NT5C2: variants seen among roughly 807,000 people sequenced by gnomAD.
NT5C2 encodes the protein cytosolic purine 5'-nucleotidase.
Under a neutral mutation model 76.1 loss-of-function variants are expected in NT5C2, and 58 were observed. That is an observed-to-expected ratio of 0.76 (90% confidence interval 0.62 to 0.95). NT5C2 has a LOEUF of 0.95. NT5C2 is among the 40% of genes least tolerant of loss of function. The pLI is 0.00. For missense variants in NT5C2, 478 were observed against 690.3 expected, an observed-to-expected ratio of 0.69 and a Z score of 3.45; for synonymous variants, 229 against 237.4, an observed-to-expected ratio of 0.96 and a Z score of 0.32.
Position 103,158,356 on chromosome 10 carries a change from A to T in NT5C2, c.101+16502T>A, listed in dbSNP as rs181839474. On this transcript the variant is annotated intron_variant, in intron 3 of 18. Transcript: ENST00000404739. ...AGAACAAAATCAACCCAAATCAAAC[A>T]GAAGGACAGAAATAATATATTACAG... 2.1e-3 allele frequency among the ~76,000 whole-genome samples: 322 copies of T among 152,168 alleles called. 1 individual carries two copies. Among genetic ancestry groups the T allele is most frequent in the Non-Finnish European group, 3.7e-3 (249 of 68,000 alleles).
intron 4 of NT5C2, among the ~76,000 whole-genome samples, chr10:103,130,577 A>T (rs758076175): frequency 1.3e-4 from 7 of 55,848 alleles, no homozygotes; most frequent in Non-Finnish European, 2.5e-4. Context: ...AAAAAAAAAT[A>T]AAAATTAAAA....
At chr10:103,167,635 T>C (rs2086740274) in intron 3 of NT5C2, among the ~76,000 whole-genome samples, 1 of 152,096 alleles carries the variant, frequency 6.6e-6, no homozygotes, top group Non-Finnish European at 1.5e-5. Context: ...TTCCCCTTTT[T>C]TTGTTTTTGT....
At chr10:103,184,733 G>A (rs957752934) in intron 1 of NT5C2, among the ~76,000 whole-genome samples, 3 of 152,066 alleles carry the variant, frequency 2.0e-5, no homozygotes, top group Non-Finnish European at 4.4e-5. Flanking sequence ...CTTATTCTTG[G>A]TTCACAAATA....
At chr10:103,192,471 G>A (rs951963317) in intron 1 of NT5C2, among the ~76,000 whole-genome samples, 1 of 152,210 alleles carries the variant, frequency 6.6e-6, no homozygotes, top group African/African-American at 2.4e-5. Context: ...TAAACTAAGG[G>A]TTCAGGCCTC....
At chr10:103,153,751 G>A (rs1445622478) in intron 3 of NT5C2, 1 of 983,850 alleles carries the variant, frequency 1.0e-6, no homozygotes, top group Non-Finnish European at 1.2e-6. Context: ...GTTTACTCTG[G>A]GAGCAAAAAA....
intron 6 of NT5C2, 42 bp from the exon 7 acceptor site, chr10:103,101,368 AT>A (rs1564962036): frequency 9.2e-7 from 1 of 1,085,816 alleles, no homozygotes; most frequent in Non-Finnish European, 1.4e-6. Context: ...TTAAAATAAC[AT>A]TATAATAATT....
chr10:103,101,541 G>A (rs1423810141), intron 6 of NT5C2, among the ~76,000 whole-genome samples: 4 of 140,792 alleles, frequency 2.8e-5, no homozygotes, highest in Non-Finnish European at 6.1e-5. Flanking sequence ...AGACAGTCTT[G>A]CTATTTTAAG....
chr10:103,143,121 T>G (rs1302811546), intron 3 of NT5C2, among the ~76,000 whole-genome samples: 4 of 152,230 alleles, frequency 2.6e-5, no homozygotes, highest in Admixed American at 1.3e-4. Context: ...ACTGCATGGC[T>G]TCTCCTCTTA....
At chr10:103,183,045 T>TC (rs2091361827) in intron 1 of NT5C2, among the ~76,000 whole-genome samples, 1 of 151,844 alleles carries the variant, frequency 6.6e-6, no homozygotes, top group South Asian at 2.1e-4. Flanking sequence ...TACAAATACA[T>TC]CCCCTTAAAA....
chr10:103,098,903 C>T (rs1257385354), intron 10 of NT5C2, 28 bp downstream of exon 10: 8 of 1,464,886 alleles, frequency 5.5e-6, no homozygotes, highest in Non-Finnish European at 7.6e-6. Context: ...AGCTATTATG[C>T]AGATCTATTT....
intron 3 of NT5C2, among the ~76,000 whole-genome samples, chr10:103,171,740 C>G (rs988894558): frequency 6.6e-6 from 1 of 152,118 alleles, no homozygotes; most frequent in Non-Finnish European, 1.5e-5. Context: ...TTAATTGAAT[C>G]TATAAAAAGA....
At chr10:103,183,636 A>C (rs1294060190) in intron 1 of NT5C2, among the ~76,000 whole-genome samples, 9 of 150,064 alleles carry the variant, frequency 6.0e-5, no homozygotes, top group Non-Finnish European at 1.0e-4. Context: ...ATATATATAC[A>C]TATACATACA....
At chr10:103,153,549 T>C (rs2082773233) in intron 3 of NT5C2, 2 of 985,274 alleles carry the variant, frequency 2.0e-6, no homozygotes, top group South Asian at 4.7e-5. Context: ...AAATAACTAA[T>C]GGCCTGAACT....
intron 3 of NT5C2, among the ~76,000 whole-genome samples, chr10:103,147,253 T>TA (rs1344597331): frequency 3.3e-5 from 5 of 152,230 alleles, no homozygotes; most frequent in Non-Finnish European, 7.3e-5. Flanking sequence ...TATTGGATCT[T>TA]AAAGTTCAAA....
chr10:103,101,024 ATAAT>A lies in NT5C2; in HGVS notation c.539+17_539+20del, dbSNP rs747662645. 7.6e-7 allele frequency: 1 copy of A among 1,315,304 alleles called. No individual in the cohort carries two copies. Among genetic ancestry groups the A allele is most frequent in the South Asian group, 1.2e-5 (1 of 83,124 alleles). 81.5% of individuals were successfully genotyped at this position (1,315,304 alleles called of 1,614,324 possible). On this transcript the variant is annotated intron_variant, in intron 8 of 18. Transcript: ENST00000404739. Reference sequence around the variant, plus strand: ...AATTTTAAAAATCAATTGGAAAAAAATAATTATAGTATATACATACCTGGTATAT... The same window carrying A: ...AATTTTAAAAATCAATTGGAAAAAAATATAGTATATACATACCTGGTATAT...
rs1341166481 is a variant in NT5C2 at position 103,131,456 on chromosome 10, G to A, written c.175+7950C>T. On this transcript the variant is annotated intron_variant, in intron 4 of 18. Coordinates refer to ENST00000404739, the MANE Select transcript of NT5C2 (RefSeq NM_001351169.2). Reference sequence around the variant, plus strand: ...GTGATTGGTGTCCTCTTTTATAAAGGCGGAGCACTTGTGAATGGGATTAGT... The same window carrying A: ...GTGATTGGTGTCCTCTTTTATAAAGACGGAGCACTTGTGAATGGGATTAGT... 3.3e-5 allele frequency among the ~76,000 whole-genome samples: 5 copies of A among 152,258 alleles called. No individual in the cohort carries two copies. In the East Asian group the frequency reaches 7.7e-4, roughly 24 times the overall value.
chr10:103,131,776 T>C (rs1225413801), intron 4 of NT5C2, among the ~76,000 whole-genome samples: 1 of 151,984 alleles, frequency 6.6e-6, no homozygotes, highest in African/African-American at 2.4e-5. Flanking sequence ...GAAAAAGTTA[T>C]CTGGGCATGG....
At chr10:103,120,243 T>C (rs1366700882) in intron 4 of NT5C2, among the ~76,000 whole-genome samples, 1 of 152,088 alleles carries the variant, frequency 6.6e-6, no homozygotes, top group Non-Finnish European at 1.5e-5. Context: ...TTCACAGCTA[T>C]GACAGCAAAA....
At chr10:103,170,472 G>A (rs2087636859) in intron 3 of NT5C2, among the ~76,000 whole-genome samples, 1 of 151,180 alleles carries the variant, frequency 6.6e-6, no homozygotes, top group African/African-American at 2.4e-5. Context: ...AAATGAGTTA[G>A]GAGTATACTC....
Sources: gnomAD v4.1 joint callset for allele counts (sites outside exome capture counted in the v4.1 genomes callset) on GRCh38, gnomAD v4.1.1 for gene constraint, MANE v1.5 for transcripts, NCBI Gene and HGNC (gene_info 2026-07-23, HGNC 2026-07-21) for gene names.